The following SOX6 variants were observed in gnomAD, a reference collection of about 807,000 sequenced individuals.
SOX6 encodes the protein SRY-box transcription factor 6.
SOX6 carries 11 observed loss-of-function variants against 97.8 expected under a neutral mutation model. That is an observed-to-expected ratio of 0.11 (90% CI 0.07 to 0.19). The LOEUF (loss-of-function observed/expected upper bound fraction) is 0.19, where lower values mean the gene tolerates loss of function less well. Among genes scored for constraint, SOX6 ranks in the 10% least tolerant of loss-of-function variants. The pLI is 1.00. For missense variants in SOX6, 810 were observed against 1,039.5 expected, an observed-to-expected ratio of 0.78 and a Z score of 3.04; for synonymous variants, 360 against 371.4, an observed-to-expected ratio of 0.97 and a Z score of 0.35.
chr11:16,364,956 C>CATACTTTT (rs1346935655), intron 1 of SOX6, among the ~76,000 whole-genome samples: 10 of 152,096 alleles, frequency 6.6e-5, no homozygotes, highest in Non-Finnish European at 1.5e-4. Flanking sequence ...ACAAGTAACA[C>CATACTTTT]ATACTTTTAT....
intron 3 of SOX6, among the ~76,000 whole-genome samples, chr11:16,624,803 T>C (rs769510496): frequency 6.6e-6 from 1 of 152,240 alleles, no homozygotes; most frequent in Non-Finnish European, 1.5e-5. Context: ...TCCAGTTTGT[T>C]TGGTCAGTTT....
intron 4 of SOX6, among the ~76,000 whole-genome samples, chr11:16,219,078 T>C (rs921112257): frequency 6.6e-6 from 1 of 152,080 alleles, no homozygotes; most frequent in African/African-American, 2.4e-5. Flanking sequence ...AGAGAGAGTC[T>C]TAGACCTTTA....
Position 16,607,832 on chromosome 11 carries a change from A to G in SOX6, n.609+4249T>C. 6.6e-6 allele frequency: 1 copy of G among 152,598 alleles called. No homozygotes were observed. Among genetic ancestry groups the G allele is most frequent in the Non-Finnish European group, 1.5e-5 (1 of 68,310 alleles). The allele number at this position is 152,598 out of a possible 1,614,324, so 9.5% of individuals were successfully genotyped here. On this transcript the variant is annotated intron_variant and non_coding_transcript_variant, in intron 4 of 5. Transcript: ENST00000524520. The surrounding 1 kb of genome is among the most constrained non-coding windows in gnomAD (Gnocchi z 6.5). ...CCTCCCAGACAACACAGGCAAGATGAGACAAGAGGCGAGGGAGGCAGCGAG... is the reference window on the plus strand; with the variant it reads ...CCTCCCAGACAACACAGGCAAGATGGGACAAGAGGCGAGGGAGGCAGCGAG...
At position 16,063,496 on chromosome 11, in the gene SOX6, TTATATATA is replaced by T. The variant is rs66968164; in HGVS notation, c.1102-7603_1102-7596del. On this transcript the variant is annotated intron_variant, in intron 9 of 15. Transcript: ENST00000683767. Reference sequence around the variant, plus strand: ...CGATGTAACTATATTTACCATAATTTTATATATATATATATATATATATATATATATAT... The same window carrying T: ...CGATGTAACTATATTTACCATAATTTTATATATATATATATATATATATAT... Among the ~76,000 whole-genome samples, 253 of 35,562 alleles carry T rather than the reference TTATATATA, an allele frequency of 7.1e-3. 3 individuals are homozygous for T. Among genetic ancestry groups the T allele is most frequent in the African/African-American group, 8.9e-3 (78 of 8,726 alleles). The allele number at this position is 35,562 out of a possible 152,430, so 23.3% of individuals were successfully genotyped here.
chr11:16,274,613 CA>C (rs1854344118), intron 3 of SOX6, among the ~76,000 whole-genome samples: 1 of 152,078 alleles, frequency 6.6e-6, no homozygotes, highest in Non-Finnish European at 1.5e-5. Flanking sequence ...AGCAAGAAGA[CA>C]AATGATTATT....
At chr11:16,188,758 TGTAGTTCAAAATTTGAAGAGATA>T (rs1438621979) in intron 4 of SOX6, among the ~76,000 whole-genome samples, 1 of 152,116 alleles carries the variant, frequency 6.6e-6, no homozygotes, top group African/African-American at 2.4e-5. Flanking sequence ...TTAGGCATTT[TGTAGTTCAAAATTTGAAGAGATA>T]GGCTGGGCAC....
At chr11:16,424,629 G>A (rs1029531418) in intron 1 of SOX6, among the ~76,000 whole-genome samples, 1 of 152,168 alleles carries the variant, frequency 6.6e-6, no homozygotes, top group Non-Finnish European at 1.5e-5. Flanking sequence ...AGCTTTAAGT[G>A]GCAAAAGAAC....
intron 12 of SOX6, among the ~76,000 whole-genome samples, chr11:16,045,156 T>C (rs553852836): frequency 6.6e-6 from 1 of 152,166 alleles, no homozygotes; most frequent in African/African-American, 2.4e-5. Flanking sequence ...GTTAATAGTG[T>C]CTAAGTTTGA....
intron 1 of SOX6, among the ~76,000 whole-genome samples, chr11:16,341,660 G>A (rs1405604428): frequency 6.6e-6 from 1 of 152,116 alleles, no homozygotes; most frequent in Non-Finnish European, 1.5e-5. Context: ...TTTGCAAGAT[G>A]ATTTGAAAGC....
At chr11:16,100,168 C>T (rs1848909046) in intron 7 of SOX6, among the ~76,000 whole-genome samples, 1 of 151,784 alleles carries the variant, frequency 6.6e-6, no homozygotes, top group Non-Finnish European at 1.5e-5. Context: ...GTAAGTCAAT[C>T]AAGAAAAAGT....
intron 3 of SOX6, among the ~76,000 whole-genome samples, chr11:16,693,843 A>C (rs544234188): frequency 3.9e-5 from 6 of 152,298 alleles, no homozygotes; most frequent in African/African-American, 1.4e-4. Flanking sequence ...GAAAACACTA[A>C]TAATTCACTC....
chr11:16,086,231 T>C (rs1564946679), intron 9 of SOX6, among the ~76,000 whole-genome samples: 1 of 152,194 alleles, frequency 6.6e-6, no homozygotes. Flanking sequence ...TTAAATCGTT[T>C]AAAATAAAGC....
rs1477287277 is a variant in SOX6, at chr11:16,730,175, T to C, written n.353+6164A>G. On this transcript the variant is annotated intron_variant and non_coding_transcript_variant, in intron 2 of 5. Transcript: ENST00000524520. ...GACTTTAACACCCCACTGTCAATAT[T>C]AGAAAGATCAACAAGACAGAAAATT... 3.3e-5 allele frequency among the ~76,000 whole-genome samples: 5 copies of C among 151,924 alleles called. No individual in the cohort carries two copies. In the East Asian group the frequency reaches 9.6e-4, roughly 29 times the overall value.
intron 3 of SOX6, among the ~76,000 whole-genome samples, chr11:16,685,014 TACTC>T: frequency 1.3e-5 from 2 of 151,890 alleles, no homozygotes. Context: ...ATCTAATGAG[TACTC>T]ACTCACTACC....
chr11:16,273,351 A>G (rs1854309465), intron 3 of SOX6, among the ~76,000 whole-genome samples: 1 of 152,004 alleles, frequency 6.6e-6, no homozygotes, highest in Non-Finnish European at 1.5e-5. Flanking sequence ...AAATAAGAAG[A>G]AAAATAATAT....
intron 4 of SOX6, among the ~76,000 whole-genome samples, chr11:16,213,036 A>G (rs1297926888): frequency 6.6e-6 from 1 of 152,124 alleles, no homozygotes; most frequent in East Asian, 1.9e-4. Context: ...CCTTGAGGTC[A>G]TCTTTGTTAA....
rs544037876 is a variant in SOX6, at chr11:16,135,193, C to T, written c.778-23270G>A. Among the ~76,000 whole-genome samples, 3 of 152,244 alleles carry T rather than the reference C, an allele frequency of 2.0e-5. No individual in the cohort carries two copies. The East Asian group carries it at 5.8e-4, about 29-fold the overall frequency. On this transcript the variant is annotated intron_variant, in intron 6 of 15. Transcript: ENST00000683767. ...AGATTCCTTTCAAAATATTACTGCT[C>T]ATTAACAATGCAGATCACCCAAGAA...
At position 16,142,532 on chromosome 11, in the gene SOX6, C is replaced by A. The variant is rs913041122; in HGVS notation, c.778-30609G>T. On this transcript the variant is annotated intron_variant, in intron 6 of 15. Coordinates refer to ENST00000683767, the MANE Select transcript of SOX6 (RefSeq NM_001367873.1). ...ACTTTGACGAGTTCAGAGAAAAAGG[C>A]TTCAGATGATCAAACTTCTCTGAGC... Among the ~76,000 whole-genome samples, 12 of 152,114 alleles carry A rather than the reference C, an allele frequency of 7.9e-5. 1 individual carries two copies. The highest frequency in any genetic ancestry group is 7.9e-4 in the Admixed American group (12 of 15,262).
At chr11:16,002,145 T>G (rs2119907076) in intron 13 of SOX6, among the ~76,000 whole-genome samples, 1 of 152,316 alleles carries the variant, frequency 6.6e-6, no homozygotes, top group South Asian at 2.1e-4. Context: ...TGGAGGCAGC[T>G]TAAACAAACA....
Sources: gnomAD v4.1 joint callset for allele counts (sites outside exome capture counted in the v4.1 genomes callset) on GRCh38, gnomAD v4.1.1 for gene constraint, Gnocchi (gnomAD v3.1) non-coding constraint, MANE v1.5 for transcripts, NCBI Gene and HGNC (gene_info 2026-07-23, HGNC 2026-07-21) for gene names.